GRIK2: variants seen among roughly 807,000 people sequenced by gnomAD.
The protein encoded by GRIK2 is glutamate receptor ionotropic, kainate 2.
In GRIK2, 32 loss-of-function variants were observed where a neutral mutation model predicts 100.3. That is an observed-to-expected ratio of 0.32 (90% confidence interval 0.24 to 0.43). GRIK2 has a LOEUF of 0.43. Among genes scored for constraint, GRIK2 ranks in the 20% least tolerant of loss-of-function variants. GRIK2 has a pLI of 1.00. For synonymous variants in GRIK2, 417 were observed against 389.4 expected, an observed-to-expected ratio of 1.07 and a Z score of -0.83; for missense variants, 843 against 1,114.9, an observed-to-expected ratio of 0.76 and a Z score of 3.47.
intron 4 of GRIK2, among the ~76,000 whole-genome samples, chr6:101,644,031 T>G (rs1781406989): frequency 1.3e-5 from 2 of 151,744 alleles, no homozygotes; most frequent in African/African-American, 2.4e-5. Context: ...TATTTTTTCT[T>G]TATAAACTTT....
chr6:101,926,582 T>A (rs1388379619), intron 13 of GRIK2, among the ~76,000 whole-genome samples: 1 of 152,224 alleles, frequency 6.6e-6, no homozygotes, highest in Non-Finnish European at 1.5e-5. Flanking sequence ...TAAAACTCTA[T>A]GTTATTATCT....
intron 11 of GRIK2, among the ~76,000 whole-genome samples, chr6:101,881,702 A>G (rs1260710215): frequency 6.6e-6 from 1 of 151,658 alleles, no homozygotes; most frequent in Non-Finnish European, 1.5e-5. Flanking sequence ...AAAATAGAAA[A>G]ATTGGCCAGA....
intron 2 of GRIK2, among the ~76,000 whole-genome samples, chr6:101,429,904 A>T (rs1263941728): frequency 6.6e-6 from 1 of 152,190 alleles, no homozygotes; most frequent in African/African-American, 2.4e-5. Flanking sequence ...CCTGGCAAGT[A>T]ACAGCCCACG....
chr6:101,954,871 C>G (rs1195844114), intron 14 of GRIK2, among the ~76,000 whole-genome samples: 1 of 152,110 alleles, frequency 6.6e-6, no homozygotes, highest in African/African-American at 2.4e-5. Flanking sequence ...ATGTTGAAGG[C>G]ATTCCCTTCC....
intron 2 of GRIK2, among the ~76,000 whole-genome samples, chr6:101,529,219 T>C (rs1417155816): frequency 6.6e-6 from 1 of 152,154 alleles, no homozygotes; most frequent in Non-Finnish European, 1.5e-5. Context: ...ATTCAGTTTA[T>C]GTGTCTCCAG....
intron 7 of GRIK2, among the ~76,000 whole-genome samples, 198 bp downstream of exon 7, chr6:101,686,551 T>C (rs1386726123): frequency 6.6e-6 from 1 of 152,138 alleles, no homozygotes; most frequent in Non-Finnish European, 1.5e-5. Flanking sequence ...TATGCTTCCA[T>C]CCAAGTATCT....
intron 12 of GRIK2, among the ~76,000 whole-genome samples, chr6:101,918,499 G>T (rs1467426066): frequency 6.6e-6 from 1 of 151,232 alleles, no homozygotes; most frequent in Non-Finnish European, 1.5e-5. Flanking sequence ...TTATTTCTTT[G>T]CTCTAAAGGT....
At chr6:101,906,366 C>CTCTCTGTGTGTGTGTGTGTG (rs1554283801) in intron 12 of GRIK2, among the ~76,000 whole-genome samples, 3 of 145,928 alleles carry the variant, frequency 2.1e-5, no homozygotes, top group African/African-American at 7.5e-5. Context: ...AAAACAAGAT[C>CTCTCTGTGTGTGTGTGTGTG]TGTGTGTGTG....
At chr6:101,844,066 A>T (rs1783671096) in intron 10 of GRIK2, among the ~76,000 whole-genome samples, 1 of 152,180 alleles carries the variant, frequency 6.6e-6, no homozygotes, top group Non-Finnish European at 1.5e-5. Flanking sequence ...TACTAATATG[A>T]CCTCATTTTT....
At chr6:101,620,580 A>T (rs1780109215) in intron 2 of GRIK2, among the ~76,000 whole-genome samples, 3 of 152,168 alleles carry the variant, frequency 2.0e-5, no homozygotes. Context: ...TGCTAATAGT[A>T]TAGTCACCTG....
At chr6:101,576,216 C>G (rs1000140472) in intron 2 of GRIK2, among the ~76,000 whole-genome samples, 2 of 151,962 alleles carry the variant, frequency 1.3e-5, no homozygotes, top group Admixed American at 1.3e-4. Context: ...TGTCTCTAAG[C>G]ACTTTCAATA....
At position 101,633,679 on chromosome 6, in the gene GRIK2, C is replaced by G. The variant is rs542427091; in HGVS notation, c.541+7042C>G. 2.0e-5 allele frequency among the ~76,000 whole-genome samples: 3 copies of G among 152,180 alleles called. No individual in the cohort carries two copies. The East Asian group carries it at 5.8e-4, about 29-fold the overall frequency. ...TTTAATAAAAATAAGATAAAATAAT[C>G]AAGATTTTTTGCTATCAAGTTAATC... On this transcript the variant is annotated intron_variant, in intron 4 of 16. Transcript: ENST00000369134.
intron 2 of GRIK2, among the ~76,000 whole-genome samples, chr6:101,402,847 C>T (rs1418341602): frequency 6.6e-6 from 1 of 152,198 alleles, no homozygotes; most frequent in Non-Finnish European, 1.5e-5. Flanking sequence ...ATCTTTGTTT[C>T]GCCGCAGCTG....
chr6:101,647,260 A>G (rs1260191148), intron 4 of GRIK2, among the ~76,000 whole-genome samples: 2 of 151,948 alleles, frequency 1.3e-5, no homozygotes, highest in African/African-American at 4.8e-5. Flanking sequence ...GTATTGGTAG[A>G]TGAGGAGAGA....
chr6:101,559,791 T>C (rs2518222), intron 2 of GRIK2, among the ~76,000 whole-genome samples: 122,725 of 152,026 alleles, frequency 0.81, 49,948 homozygotes, highest in African/African-American at 0.9. Context: ...CCCCCACACA[T>C]CCATATGCTT....
chr6:101,998,461 C>G (rs1006885520), intron 14 of GRIK2, among the ~76,000 whole-genome samples: 3 of 152,016 alleles, frequency 2.0e-5, no homozygotes, highest in African/African-American at 7.2e-5. Flanking sequence ...AGCGGAATCA[C>G]TCAAGTTTAA....
At chr6:101,633,384 T>G (rs560539767) in intron 4 of GRIK2, among the ~76,000 whole-genome samples, 2 of 152,152 alleles carry the variant, frequency 1.3e-5, no homozygotes, top group South Asian at 4.1e-4. Flanking sequence ...CCCTGTCGTG[T>G]AGTTTTTAGC....
chr6:101,830,992 A>C (rs1387093461), intron 10 of GRIK2, among the ~76,000 whole-genome samples: 2 of 152,012 alleles, frequency 1.3e-5, no homozygotes, highest in African/African-American at 2.4e-5. Flanking sequence ...GAAAGAAAGA[A>C]AGGCTTGAAA....
chr6:101,779,261 C>T (rs1778932143), intron 7 of GRIK2, among the ~76,000 whole-genome samples: 1 of 151,958 alleles, frequency 6.6e-6, no homozygotes, highest in South Asian at 2.1e-4. Context: ...AATGGCTCAG[C>T]CATAGAAATT....
Sources: allele counts gnomAD v4.1 joint callset (sites outside exome capture counted in the v4.1 genomes callset), GRCh38; gene constraint gnomAD v4.1.1; transcripts MANE v1.5; gene names NCBI Gene and HGNC (gene_info 2026-07-23, HGNC 2026-07-21).